The following SLC23A2 variants were observed in gnomAD, a reference collection of about 807,000 sequenced individuals.
The protein encoded by SLC23A2 is solute carrier family 23 member 2.
Under a neutral mutation model 73.3 loss-of-function variants are expected in SLC23A2, and 36 were observed. That is an observed-to-expected ratio of 0.49 (90% CI 0.38 to 0.65). The LOEUF is 0.65. SLC23A2 is among the 30% of genes least tolerant of loss of function. SLC23A2 has a pLI of 0.00. For missense variants in SLC23A2, 507 were observed against 841.6 expected (o/e 0.60, Z 4.92); for synonymous variants, 343 against 327.3 (o/e 1.05, Z -0.52).
At chr20:4,923,845 C>T (rs1932578387) in intron 3 of SLC23A2, among the ~76,000 whole-genome samples, 1 of 152,160 alleles carries the variant, frequency 6.6e-6, no homozygotes, top group Non-Finnish European at 1.5e-5. Flanking sequence ...GCCTTCTTTT[C>T]ACTGCTGAAA....
At chr20:4,979,409 T>C (rs1380108839) in intron 1 of SLC23A2, among the ~76,000 whole-genome samples, 2 of 152,006 alleles carry the variant, frequency 1.3e-5, no homozygotes, top group African/African-American at 4.8e-5. Flanking sequence ...AGGTTCACAT[T>C]TACTGGGACA....
chr20:5,009,576 G>A (rs1192523130), intron 1 of SLC23A2, among the ~76,000 whole-genome samples: 1 of 152,174 alleles, frequency 6.6e-6, no homozygotes, highest in African/African-American at 2.4e-5. Context: ...TCCTCACGTG[G>A]TGCCTACCAC....
At position 4,932,584 on chromosome 20, in the gene SLC23A2, A is replaced by T. The variant is rs1461247561; in HGVS notation, c.-22T>A. 1.5e-6 allele frequency: 2 copies of T among 1,308,786 alleles called. No homozygotes were observed. Among genetic ancestry groups the T allele is most frequent in the Non-Finnish European group, 2.2e-6 (2 of 901,076 alleles). The allele number at this position is 1,308,786 out of a possible 1,614,324, so 81.1% of individuals were successfully genotyped here. A position where few individuals can be genotyped will look rare whatever the true frequency, so the allele number is the denominator to read the frequency against. On this transcript the variant is annotated 5_prime_UTR_variant, in exon 3 of 17. Coordinates refer to ENST00000338244, the MANE Select transcript of SLC23A2 (RefSeq NM_005116.6). ...TCATTAAGAGAAACGAGTAGTTTAC[A>T]CAGCCGTTGGGGAGAGCAGCTGGAA...
upstream of SLC23A2, among the ~76,000 whole-genome samples, chr20:5,001,976 GAGA>G (rs759752501): frequency 3.9e-4 from 59 of 152,238 alleles, 1 homozygote; most frequent in South Asian, 0.011. Flanking sequence ...AACCTAACTG[GAGA>G]AGAAGTCCTT....
At chr20:4,975,736 T>C (rs2087634671) in intron 1 of SLC23A2, among the ~76,000 whole-genome samples, 1 of 151,912 alleles carries the variant, frequency 6.6e-6, no homozygotes, top group Non-Finnish European at 1.5e-5. Flanking sequence ...ACATCTGGTT[T>C]TGATCTTGAT....
intron 9 of SLC23A2, among the ~76,000 whole-genome samples, chr20:4,882,299 C>T (rs899335986): frequency 3.9e-5 from 6 of 151,946 alleles, no homozygotes; most frequent in African/African-American, 7.3e-5. Context: ...TGCTTAAACT[C>T]GGGAGGTGGA....
At chr20:4,888,240 T>C (rs999842792) in intron 6 of SLC23A2, among the ~76,000 whole-genome samples, 1 of 152,214 alleles carries the variant, frequency 6.6e-6, no homozygotes, top group Admixed American at 6.5e-5. Flanking sequence ...AAAGTTGTAC[T>C]GGAACAAAGG....
intron 4 of SLC23A2, among the ~76,000 whole-genome samples, chr20:4,910,409 T>C (rs1600124099): frequency 6.8e-6 from 1 of 147,972 alleles, no homozygotes; most frequent in Non-Finnish European, 1.5e-5. Context: ...CCGCTGAGGG[T>C]CTGGCTTAAT....
At chr20:4,893,422 T>A (rs912281807) in intron 6 of SLC23A2, among the ~76,000 whole-genome samples, 1 of 152,058 alleles carries the variant, frequency 6.6e-6, no homozygotes, top group Admixed American at 6.5e-5. Context: ...TACCCCAACA[T>A]ACATATACAG....
chr20:4,899,467 AG>A lies in SLC23A2; in HGVS notation c.482+87del. ...GTGCCTCCATTCTGTCCTTGCCAAC[AG>A]CCCTAGGCAAACGGCGCAGCTCAAT... On this transcript the variant is annotated intron_variant, in intron 6 of 16. Transcript: ENST00000338244. The surrounding 1 kb of genome is among the most constrained non-coding windows in gnomAD (Gnocchi z 4.9). 14 of 1,495,860 alleles carry A rather than the reference AG, an allele frequency of 9.4e-6. No individual in the cohort carries two copies. Among genetic ancestry groups the A allele is most frequent in the Non-Finnish European group, 1.3e-5 (14 of 1,081,896 alleles). 92.7% of individuals were successfully genotyped at this position (1,495,860 alleles called of 1,614,324 possible). A position where few individuals can be genotyped will look rare whatever the true frequency, so the allele number is the denominator to read the frequency against.
At chr20:4,873,740 C>A in intron 11 of SLC23A2, 196 bp downstream of exon 11, 1 of 491,326 alleles carries the variant, frequency 2.0e-6, no homozygotes, top group Admixed American at 3.8e-5. Flanking sequence ...GAGAAGGGAG[C>A]CGGTCAGTCT....
At chr20:4,972,092 A>G (rs2122225846) in intron 1 of SLC23A2, among the ~76,000 whole-genome samples, 1 of 152,322 alleles carries the variant, frequency 6.6e-6, no homozygotes, top group East Asian at 1.9e-4. Flanking sequence ...GGGAACCCAG[A>G]GCCTGACTCA....
At chr20:5,006,516 A>C (rs1280676487) in intron 1 of SLC23A2, among the ~76,000 whole-genome samples, 1 of 151,954 alleles carries the variant, frequency 6.6e-6, no homozygotes, top group African/African-American at 2.4e-5. Flanking sequence ...CTATCATCAA[A>C]TTGATGGCAA....
intron 16 of SLC23A2, among the ~76,000 whole-genome samples, chr20:4,858,289 G>C (rs139293908): frequency 2.5e-3 from 388 of 152,314 alleles, no homozygotes; most frequent in African/African-American, 8.6e-3. Flanking sequence ...TGAGCACACA[G>C]GGCTCAGCAA....
In SLC23A2 at chr20:4,868,009, AGG is replaced by A. The variant is rs1169345319; in HGVS notation, c.1251-136_1251-135del. On this transcript the variant is annotated intron_variant, in intron 12 of 16. Transcript: ENST00000338244. This position sits in a 1 kb window ranked among gnomAD's most constrained non-coding sequence, Gnocchi z 4.4. ...GCTTCCACATCTCCTGGGAGCTGGGAGGGCGATTAAAAATACAATCTCAGACC... is the reference window on the plus strand; with the variant it reads ...GCTTCCACATCTCCTGGGAGCTGGGAGCGATTAAAAATACAATCTCAGACC... 1 of 442,380 alleles carries A rather than the reference AGG, an allele frequency of 2.3e-6. No individual in the cohort carries two copies. The highest frequency in any genetic ancestry group is 2.3e-5 in the African/African-American group (1 of 44,094). The allele number at this position is 442,380 out of a possible 1,614,324, so 27.4% of individuals were successfully genotyped here. A position where few individuals can be genotyped will look rare whatever the true frequency, so the allele number is the denominator to read the frequency against.
chr20:4,925,530 T>C (rs1383198379), intron 3 of SLC23A2, among the ~76,000 whole-genome samples: 1 of 152,108 alleles, frequency 6.6e-6, no homozygotes, highest in African/African-American at 2.4e-5. Context: ...ATGGAAGAAT[T>C]CCTTTCCTCC....
At chr20:4,965,839 C>T (rs545114803) in intron 2 of SLC23A2, among the ~76,000 whole-genome samples, 6 of 152,058 alleles carry the variant, frequency 3.9e-5, no homozygotes, top group South Asian at 4.2e-4. Flanking sequence ...TGGTGGCATG[C>T]GCCTGTAATT....
intron 3 of SLC23A2, among the ~76,000 whole-genome samples, chr20:4,931,617 C>A (rs887667407): frequency 6.6e-6 from 1 of 151,950 alleles, no homozygotes; most frequent in African/African-American, 2.4e-5. Context: ...AATTAGCCAG[C>A]TGTGGTAGAC....
chr20:4,913,113 T>C (rs1243555184), intron 3 of SLC23A2, 135 bp from the exon 4 acceptor site: 3 of 644,292 alleles, frequency 4.7e-6, no homozygotes, highest in South Asian at 1.8e-5. Flanking sequence ...ATGTACCGTA[T>C]GGGGAGGCTG....
Sources: allele counts gnomAD v4.1 joint callset (sites outside exome capture counted in the v4.1 genomes callset), GRCh38; gene constraint gnomAD v4.1.1; non-coding constraint Gnocchi (gnomAD v3.1); transcripts MANE v1.5; gene names NCBI Gene and HGNC (gene_info 2026-07-23, HGNC 2026-07-21).